Variants in PDK1 observed in about 807,000 individuals in gnomAD.
PDK1 encodes pyruvate dehydrogenase kinase 1.
In PDK1, 39 loss-of-function variants were observed where a neutral mutation model predicts 54.2. That is an observed-to-expected ratio of 0.72 (90% confidence interval 0.56 to 0.94). PDK1 has a LOEUF of 0.94. Among genes scored for constraint, PDK1 ranks in the 40% least tolerant of loss-of-function variants. The pLI, the probability that PDK1 is intolerant of heterozygous loss-of-function variation, is 0.00. For missense variants in PDK1, 552 were observed against 566.0 expected, an observed-to-expected ratio of 0.98 and a Z score of 0.25; for synonymous variants, 221 against 207.1, an observed-to-expected ratio of 1.07 and a Z score of -0.58.
chr2:172,715,601 G>A, the PDK1 span, among the ~76,000 whole-genome samples: 9 of 152,098 alleles, frequency 5.9e-5, no homozygotes, highest in East Asian at 1.9e-4. Flanking sequence ...ACAACTGCCC[G>A]CCTCATGGGA....
chr2:172,633,766 A>G, the PDK1 span, among the ~76,000 whole-genome samples: 2 of 150,738 alleles, frequency 1.3e-5, no homozygotes, highest in East Asian at 1.9e-4. Context: ...ATTATGACCA[A>G]TGAAAATTTC....
chr2:172,683,157 G>A, the PDK1 span, among the ~76,000 whole-genome samples: 3 of 151,758 alleles, frequency 2.0e-5, no homozygotes, highest in Non-Finnish European at 4.4e-5. Context: ...CCATTCTGGC[G>A]AACACAGTGA....
At chr2:172,704,151 C>T in the PDK1 span, among the ~76,000 whole-genome samples, 10 of 152,116 alleles carry the variant, frequency 6.6e-5, no homozygotes, top group African/African-American at 2.2e-4. Context: ...CATGTTCTCA[C>T]GGTTCCACTT....
chr2:172,714,385 A>T, the PDK1 span, among the ~76,000 whole-genome samples: 1 of 151,972 alleles, frequency 6.6e-6, no homozygotes, highest in Non-Finnish European at 1.5e-5. Context: ...TTTTCCCTTG[A>T]CCTTGTATTT....
At chr2:172,662,697 A>G in the PDK1 span, among the ~76,000 whole-genome samples, 2 of 152,216 alleles carry the variant, frequency 1.3e-5, no homozygotes, top group Non-Finnish European at 2.9e-5. Flanking sequence ...AAAACAAACA[A>G]GTGACAAATA....
the PDK1 span, among the ~76,000 whole-genome samples, chr2:172,641,000 TC>T: frequency 3.4e-5 from 1 of 29,512 alleles, no homozygotes; most frequent in African/African-American, 5.2e-5. Flanking sequence ...TCTTTCTTTT[TC>T]TTTTCTTTCT....
At chr2:172,621,735 T>TATATGTCATATATGTTTATATCTC in the PDK1 span, among the ~76,000 whole-genome samples, 3 of 146,698 alleles carry the variant, frequency 2.0e-5, no homozygotes, top group African/African-American at 7.6e-5. Context: ...TTATATCTCA[T>TATATGTCATATATGTTTATATCTC]ATATGTCATA....
chr2:172,668,065 T>G, the PDK1 span, among the ~76,000 whole-genome samples: 1 of 152,222 alleles, frequency 6.6e-6, no homozygotes, highest in African/African-American at 2.4e-5. Context: ...AAGGATTGAC[T>G]CTGGGAAATT....
At chr2:172,593,382 C>CT (rs553294028) in intron 10 of PDK1, among the ~76,000 whole-genome samples, 11 of 151,242 alleles carry the variant, frequency 7.3e-5, no homozygotes, top group Admixed American at 2.6e-4. Context: ...ACTGCCAAGG[C>CT]TTTTTTTTTG....
chr2:172,707,024 T>C, the PDK1 span, among the ~76,000 whole-genome samples: 6 of 152,092 alleles, frequency 3.9e-5, no homozygotes, highest in African/African-American at 4.8e-5. Flanking sequence ...GTGGCCTCCA[T>C]TGACACCATG....
the PDK1 span, among the ~76,000 whole-genome samples, chr2:172,656,073 A>T: frequency 6.6e-6 from 1 of 152,212 alleles, no homozygotes; most frequent in African/African-American, 2.4e-5. Context: ...AAGCTTTATT[A>T]TCTGCACTAA....
the PDK1 span, among the ~76,000 whole-genome samples, chr2:172,644,972 C>G: frequency 6.6e-6 from 1 of 150,930 alleles, no homozygotes; most frequent in Non-Finnish European, 1.5e-5. Context: ...TATGACAGTA[C>G]TAATACTAAT....
At chr2:172,674,811 T>TGCCGG in the PDK1 span, 1 of 152,406 alleles carries the variant, frequency 6.6e-6, no homozygotes, top group East Asian at 1.9e-4. Flanking sequence ...GGCTGCAGGC[T>TGCCGG]GCCGGGCCGG....
chr2:172,590,363 T>C (rs1259154731), intron 9 of PDK1, among the ~76,000 whole-genome samples: 1 of 152,192 alleles, frequency 6.6e-6, no homozygotes, highest in Non-Finnish European at 1.5e-5. Flanking sequence ...TGGTGAGTGT[T>C]ACAGTTTTTA....
the PDK1 span, among the ~76,000 whole-genome samples, chr2:172,655,346 C>T: frequency 1.8e-5 from 1 of 56,942 alleles, no homozygotes; most frequent in African/African-American, 7.3e-5. Flanking sequence ...TTGAACAAAT[C>T]GTGGTTTTTA....
chr2:172,626,370 G>T, the PDK1 span, among the ~76,000 whole-genome samples: 4 of 152,092 alleles, frequency 2.6e-5, no homozygotes, highest in Non-Finnish European at 5.9e-5. Context: ...TGACATACTG[G>T]TATTGCCAGC....
chr2:172,660,672 T>C, the PDK1 span, among the ~76,000 whole-genome samples: 1 of 152,104 alleles, frequency 6.6e-6, no homozygotes, highest in Non-Finnish European at 1.5e-5. Flanking sequence ...TGCTTATATG[T>C]GACAGCCTCA....
intron 9 of PDK1, among the ~76,000 whole-genome samples, chr2:172,590,973 G>A (rs973509785): frequency 2.6e-5 from 4 of 152,108 alleles, no homozygotes; most frequent in East Asian, 3.9e-4. Context: ...GGCGATGACC[G>A]CTGTAGCTAC....
chr2:172,599,645 G>A lies in PDK1; in HGVS notation c.*3676G>A, dbSNP rs894175762. 6.6e-6 allele frequency: 1 copy of A among 152,076 alleles called. No individual in the cohort carries two copies. The highest frequency in any genetic ancestry group is 2.4e-5 in the African/African-American group (1 of 41,426). The allele number at this position is 152,076 out of a possible 1,614,324, so 9.4% of individuals were successfully genotyped here. ...AAGAATTTTTTGCATGTTAAAAAAA[G>A]CAAACCACTAGTTTGCTTAGTTCTG... On this transcript the variant is annotated 3_prime_UTR_variant, in exon 11 of 11. Coordinates refer to ENST00000282077, the MANE Select transcript of PDK1 (RefSeq NM_002610.5).
Sources: allele counts gnomAD v4.1 joint callset (sites outside exome capture counted in the v4.1 genomes callset), GRCh38; gene constraint gnomAD v4.1.1; transcripts MANE v1.5; gene names NCBI Gene and HGNC (gene_info 2026-07-23, HGNC 2026-07-21).